The following TAMM41 variants were observed in gnomAD, a reference collection of about 807,000 sequenced individuals.
TAMM41 encodes the protein phosphatidate cytidylyltransferase, mitochondrial.
A neutral mutation model predicts 44.1 loss-of-function variants in TAMM41; 36 were observed. The observed-to-expected ratio is 0.82, with a 90% confidence interval of 0.63 to 1.08. The LOEUF (loss-of-function observed/expected upper bound fraction) is 1.08. TAMM41 is among the 50% of genes least tolerant of loss of function. The pLI is 0.00. For synonymous variants in TAMM41, 164 were observed against 153.1 expected (o/e 1.07, Z -0.53); for missense variants, 417 against 404.3 (o/e 1.03, Z -0.27).
chr3:11,733,045 C>G, the TAMM41 span, among the ~76,000 whole-genome samples: 5 of 139,906 alleles, frequency 3.6e-5, no homozygotes, highest in East Asian at 1.1e-3. Context: ...GTCATCTAGG[C>G]TGGAGTGCAG....
At chr3:11,744,673 C>T in the TAMM41 span, among the ~76,000 whole-genome samples, 18 of 151,368 alleles carry the variant, frequency 1.2e-4, no homozygotes, top group Admixed American at 5.9e-4. Context: ...CCAGCCTAGG[C>T]GACAGAGCAA....
intron 5 of TAMM41, among the ~76,000 whole-genome samples, chr3:11,815,671 A>G (rs2078249968): frequency 1.3e-5 from 2 of 152,188 alleles, no homozygotes; most frequent in Admixed American, 6.6e-5. Flanking sequence ...GTGTGTGCTA[A>G]GTGCATGTGT....
intron 6 of TAMM41, chr3:11,808,471 G>A: frequency 1.0e-6 from 1 of 986,150 alleles, no homozygotes; most frequent in Non-Finnish European, 1.2e-6. Flanking sequence ...GCAGGCCCAG[G>A]AGGAGAGTGG....
intron 7 of TAMM41, among the ~76,000 whole-genome samples, chr3:11,795,227 C>T (rs1367147386): frequency 6.6e-6 from 1 of 152,126 alleles, no homozygotes; most frequent in Non-Finnish European, 1.5e-5. Flanking sequence ...TATTTGTCCC[C>T]AGAGTTAATT....
At chr3:11,741,216 CAAA>C in the TAMM41 span, among the ~76,000 whole-genome samples, 1,095 of 61,778 alleles carry the variant, frequency 0.018, 48 homozygotes, top group African/African-American at 0.08. Context: ...GACACCGTCT[CAAA>C]AAAAAAAAAA....
chr3:11,794,147 A>AG (rs1467238093), intron 7 of TAMM41, among the ~76,000 whole-genome samples: 1 of 115,264 alleles, frequency 8.7e-6, no homozygotes, highest in Non-Finnish European at 1.9e-5. Flanking sequence ...TACTTTCTTC[A>AG]ATTTTTTTTT....
chr3:11,802,024 G>A (rs2077770364), intron 7 of TAMM41, among the ~76,000 whole-genome samples: 1 of 152,080 alleles, frequency 6.6e-6, no homozygotes, highest in African/African-American at 2.4e-5. Flanking sequence ...TTCAAGACCA[G>A]CCAGGGCAAT....
chr3:11,796,686 TG>T (rs1409587943), intron 7 of TAMM41, among the ~76,000 whole-genome samples: 2 of 152,122 alleles, frequency 1.3e-5, no homozygotes. Context: ...TGAGAAATTT[TG>T]GGGAGAAGGA....
chr3:11,786,254 G>A (rs1489280923), downstream of TAMM41, among the ~76,000 whole-genome samples: 1 of 117,040 alleles, frequency 8.5e-6, no homozygotes, highest in Non-Finnish European at 1.7e-5. Context: ...CCTACATTAA[G>A]TTCCATTTAT....
intron 4 of TAMM41, among the ~76,000 whole-genome samples, chr3:11,821,699 T>TG: frequency 6.6e-6 from 1 of 152,306 alleles, no homozygotes; most frequent in East Asian, 1.9e-4. Flanking sequence ...GAGGAAGCGC[T>TG]GGGTCTTGGA....
chr3:11,805,908 G>A (rs1016384621), intron 7 of TAMM41, among the ~76,000 whole-genome samples: 7 of 152,174 alleles, frequency 4.6e-5, no homozygotes. Context: ...CCACGTCGTG[G>A]GAGGGACCTG....
intron 3 of TAMM41, among the ~76,000 whole-genome samples, chr3:11,831,921 C>A (rs1490263889): frequency 2.0e-5 from 3 of 152,108 alleles, no homozygotes; most frequent in Non-Finnish European, 4.4e-5. Flanking sequence ...CTTAATTAAG[C>A]CTTTCAGCAC....
chr3:11,763,387 C>T, the TAMM41 span, among the ~76,000 whole-genome samples: 19 of 152,210 alleles, frequency 1.2e-4, no homozygotes, highest in Admixed American at 7.2e-4. Flanking sequence ...AGTGATCCTC[C>T]CACCTTGGCC....
the TAMM41 span, among the ~76,000 whole-genome samples, chr3:11,722,767 A>G: frequency 1.3e-5 from 2 of 152,026 alleles, no homozygotes; most frequent in Non-Finnish European, 2.9e-5. Context: ...TCAGGAGTTC[A>G]AGTCCAGGCT....
At chr3:11,808,214 A>G in intron 6 of TAMM41, 1 of 1,102,584 alleles carries the variant, frequency 9.1e-7, no homozygotes, top group Non-Finnish European at 1.1e-6. Context: ...TCTGCTTGAG[A>G]TTTCTGGTTC....
At chr3:11,800,952 C>A (rs1338010489) in intron 7 of TAMM41, among the ~76,000 whole-genome samples, 4 of 152,022 alleles carry the variant, frequency 2.6e-5, no homozygotes, top group Non-Finnish European at 4.4e-5. Context: ...TGTAGCCAGG[C>A]ATGGTGGTAT....
At chr3:11,732,996 TTTTGTTTGTTTGTTTG>T in the TAMM41 span, among the ~76,000 whole-genome samples, 1 of 105,972 alleles carries the variant, frequency 9.4e-6, no homozygotes, top group Admixed American at 9.4e-5. Context: ...TGAGTTTTTT[TTTTGTTTGTTTGTTTG>T]TTTTGAGATG....
intron 3 of TAMM41, 39 bp downstream of exon 3, chr3:11,839,183 G>A (rs577624996): frequency 7.6e-7 from 1 of 1,318,110 alleles, no homozygotes; most frequent in African/African-American, 1.5e-5. Flanking sequence ...GCTCAGAGAG[G>A]AAAGGCATCC....
chr3:11,839,157 A>G, intron 3 of TAMM41, 65 bp downstream of exon 3: 1 of 1,009,440 alleles, frequency 9.9e-7, no homozygotes, highest in Non-Finnish European at 1.5e-6. Flanking sequence ...AATCACAATG[A>G]TCAAAGTAAG....
Sources: gnomAD v4.1 joint callset for allele counts (sites outside exome capture counted in the v4.1 genomes callset) on GRCh38, gnomAD v4.1.1 for gene constraint, MANE v1.5 for transcripts, NCBI Gene and HGNC (gene_info 2026-07-23, HGNC 2026-07-21) for gene names.